GALNT1: variants seen among roughly 807,000 people sequenced by gnomAD.
The protein encoded by GALNT1 is polypeptide N-acetylgalactosaminyltransferase 1, also known as GalNAc transferase 1.
A neutral mutation model predicts 65.7 loss-of-function variants in GALNT1; 17 were observed. That is an observed-to-expected ratio of 0.26 (90% CI 0.18 to 0.39). The LOEUF (loss-of-function observed/expected upper bound fraction) is 0.39. GALNT1 is among the 10% of genes least tolerant of loss of function. The pLI, the probability that GALNT1 is intolerant of heterozygous loss-of-function variation, is 1.00. For synonymous variants in GALNT1, 210 were observed against 219.7 expected (o/e 0.96, Z 0.39); for missense variants, 460 against 672.8 (o/e 0.68, Z 3.50).
intron 1 of GALNT1, among the ~76,000 whole-genome samples, chr18:35,651,355 A>G (rs907743537): frequency 2.0e-5 from 3 of 152,288 alleles, no homozygotes; most frequent in East Asian, 1.9e-4. Context: ...CCACCCCTTT[A>G]CCTTGAGGAA....
intron 1 of GALNT1, among the ~76,000 whole-genome samples, chr18:35,593,503 C>T (rs908843360): frequency 1.3e-5 from 2 of 151,846 alleles, no homozygotes; most frequent in South Asian, 2.1e-4. Context: ...ATTAGTAGGT[C>T]GTAGGTTATG....
At chr18:35,702,821 G>T (rs2048187006) in intron 9 of GALNT1, 76 bp from the exon 10 acceptor site, 1 of 906,064 alleles carries the variant, frequency 1.1e-6, no homozygotes, top group Non-Finnish European at 1.7e-6. Context: ...TTGATATTTA[G>T]TGTATATGTG....
chr18:35,601,102 T>C (rs2046575667), intron 1 of GALNT1, among the ~76,000 whole-genome samples: 1 of 152,102 alleles, frequency 6.6e-6, no homozygotes, highest in Admixed American at 6.6e-5. Flanking sequence ...AGACTTTTTA[T>C]TTACAGATTT....
rs117952972 is a variant in GALNT1, at chr18:35,648,636, T to G, written c.-103-5924T>G. ...ACTTTTAGTTACTTCCAAAATGAATTCTGGTATGTGTCTTTTGAGAAAACA... is the reference window on the plus strand; with the variant it reads ...ACTTTTAGTTACTTCCAAAATGAATGCTGGTATGTGTCTTTTGAGAAAACA... On this transcript the variant is annotated intron_variant, in intron 1 of 11. Coordinates refer to ENST00000269195, the MANE Select transcript of GALNT1 (RefSeq NM_020474.4). 8.5e-3 allele frequency among the ~76,000 whole-genome samples: 1,299 copies of G among 152,342 alleles called. 21 individuals are homozygous for G. The highest frequency in any genetic ancestry group is 0.047 in the East Asian group (242 of 5,192).
intron 2 of GALNT1, among the ~76,000 whole-genome samples, chr18:35,657,839 T>C (rs1381297356): frequency 1.3e-5 from 2 of 152,188 alleles, no homozygotes; most frequent in African/African-American, 2.4e-5. Context: ...AAGGGAAGCA[T>C]GTAGTATACG....
chr18:35,581,727 G>C (rs866981255), upstream of GALNT1: 38 of 144,578 alleles, frequency 2.6e-4, no homozygotes, highest in Middle Eastern at 7.4e-3. Context: ...CGCCCGCCGG[G>C]GGAGCCGCCG....
chr18:35,709,151 C>T (rs2048313620), intron 11 of GALNT1, among the ~76,000 whole-genome samples: 1 of 152,190 alleles, frequency 6.6e-6, no homozygotes, highest in African/African-American at 2.4e-5. Context: ...TTTGGAATCA[C>T]AGAATTAACT....
At chr18:35,665,545 C>G (rs1393762454) in intron 3 of GALNT1, among the ~76,000 whole-genome samples, 1 of 152,080 alleles carries the variant, frequency 6.6e-6, no homozygotes, top group Non-Finnish European at 1.5e-5. Flanking sequence ...GACTGTACTC[C>G]AAGACATTGT....
intron 1 of GALNT1, among the ~76,000 whole-genome samples, chr18:35,589,836 A>G (rs535013487): frequency 1.3e-5 from 2 of 152,246 alleles, no homozygotes; most frequent in Non-Finnish European, 2.9e-5. Context: ...ATGAATTGCA[A>G]GAAAAATGAA....
rs2046319905 is a variant in GALNT1, at chr18:35,581,780, G to GCTCC, written c.-185_-184insTCCC. 1.4e-5 allele frequency: 2 copies of GCTCC among 141,404 alleles called. No individual in the cohort carries two copies. Among genetic ancestry groups the GCTCC allele is most frequent in the Non-Finnish European group, 1.6e-5 (1 of 64,236 alleles). The allele number at this position is 141,404 out of a possible 1,614,324, so 8.8% of individuals were successfully genotyped here. On this transcript the variant is annotated 5_prime_UTR_variant, in exon 1 of 12. Coordinates refer to ENST00000269195, the MANE Select transcript of GALNT1 (RefSeq NM_020474.4). ...CGCGGCGGACGGCGGCCCGAGAGTA[G>GCTCC]CGCGCTGGCCGCGGGACCGGCCGCG... is the stretch of plus-strand genomic sequence containing the variant.
chr18:35,691,652 C>T (rs1333267756), intron 8 of GALNT1, among the ~76,000 whole-genome samples: 1 of 152,178 alleles, frequency 6.6e-6, no homozygotes, highest in Non-Finnish European at 1.5e-5. Context: ...CGTCAAGTAT[C>T]ACAAGGCCAC....
intron 1 of GALNT1, among the ~76,000 whole-genome samples, chr18:35,650,211 C>T (rs537242777): frequency 6.6e-6 from 1 of 152,082 alleles, no homozygotes. Flanking sequence ...GGGGAGACAT[C>T]ACGTCAGCAG....
chr18:35,665,514 T>G (rs2047537161), intron 3 of GALNT1, among the ~76,000 whole-genome samples: 3 of 152,160 alleles, frequency 2.0e-5, no homozygotes. Context: ...CACCAACTTT[T>G]TGGGACAATA....
chr18:35,690,992 G>C lies in GALNT1; in HGVS notation c.979-20G>C. ...TGATTACTCAGCTACATGTTACATG[G>C]TCATCTCTGCTGTTTTCAGATTTGG... On this transcript the variant is annotated intron_variant, in intron 7 of 11. Coordinates refer to ENST00000269195, the MANE Select transcript of GALNT1 (RefSeq NM_020474.4). 1 of 1,556,638 alleles carries C rather than the reference G, an allele frequency of 6.4e-7. No homozygotes were observed. Among genetic ancestry groups the C allele is most frequent in the Non-Finnish European group, 8.7e-7 (1 of 1,154,528 alleles).
Position 35,710,708 on chromosome 18 carries a change from A to C in GALNT1, c.*938A>C, listed in dbSNP as rs1164542299. On this transcript the variant is annotated 3_prime_UTR_variant, in exon 12 of 12. Transcript: ENST00000269195. ...ATCACATTTTCGACTTCTTCACTTG[A>C]CCTAACTGATTATGCGAAATACCCA... is the stretch of plus-strand genomic sequence containing the variant. 6.6e-6 allele frequency: 1 copy of C among 152,458 alleles called. No individual in the cohort carries two copies. Among genetic ancestry groups the C allele is most frequent in the Non-Finnish European group, 1.5e-5 (1 of 68,034 alleles). The allele number at this position is 152,458 out of a possible 1,614,324, so 9.4% of individuals were successfully genotyped here. A position where few individuals can be genotyped will look rare whatever the true frequency, so the allele number is the denominator to read the frequency against.
At chr18:35,680,843 T>C (rs1391095986) in intron 4 of GALNT1, among the ~76,000 whole-genome samples, 1 of 152,190 alleles carries the variant, frequency 6.6e-6, no homozygotes, top group African/African-American at 2.4e-5. Context: ...GGTGCAACTT[T>C]ACTGTTACAG....
intron 1 of GALNT1, among the ~76,000 whole-genome samples, chr18:35,595,155 C>T (rs1224350754): frequency 6.6e-6 from 1 of 151,994 alleles, no homozygotes; most frequent in Non-Finnish European, 1.5e-5. Flanking sequence ...ATTTCAATAG[C>T]ATGGAAAATA....
chr18:35,605,388 T>G (rs774185235), intron 1 of GALNT1, among the ~76,000 whole-genome samples: 1 of 151,724 alleles, frequency 6.6e-6, no homozygotes, highest in Non-Finnish European at 1.5e-5. Flanking sequence ...ATCTCAGCTA[T>G]TCAGGAGGCT....
chr18:35,673,691 G>A (rs1025131210), intron 3 of GALNT1, among the ~76,000 whole-genome samples: 14 of 152,278 alleles, frequency 9.2e-5, no homozygotes, highest in African/African-American at 3.4e-4. Flanking sequence ...TCTTGCCACA[G>A]CCTTGCAAAG....
Sources: allele counts gnomAD v4.1 joint callset (sites outside exome capture counted in the v4.1 genomes callset), GRCh38; gene constraint gnomAD v4.1.1; transcripts MANE v1.5; gene names NCBI Gene and HGNC (gene_info 2026-07-23, HGNC 2026-07-21).